Variants in MANBA observed in about 807,000 individuals in gnomAD.
MANBA encodes the protein mannosidase beta.
A neutral mutation model predicts 111.1 loss-of-function variants in MANBA; 83 were observed. The observed-to-expected ratio is 0.75, with a 90% CI of 0.63 to 0.90. The LOEUF is 0.90. Among genes scored for constraint, MANBA ranks in the 40% least tolerant of loss-of-function variants. MANBA has a pLI of 0.00. For synonymous variants in MANBA, 370 were observed against 378.7 expected (o/e 0.98, Z 0.27); for missense variants, 1,036 against 1,069.0 (o/e 0.97, Z 0.43).
intron 4 of MANBA, among the ~76,000 whole-genome samples, chr4:102,719,609 T>C (rs886711127): frequency 1.3e-5 from 2 of 152,198 alleles, no homozygotes; most frequent in African/African-American, 2.4e-5. Context: ...CCTGTAATTA[T>C]AGTAATAAGC....
intron 13 of MANBA, among the ~76,000 whole-genome samples, chr4:102,648,074 C>T (rs944140201): frequency 6.6e-6 from 1 of 151,936 alleles, no homozygotes; most frequent in Admixed American, 6.6e-5. Context: ...AAATAAACAG[C>T]GACTTTAATG....
intron 7 of MANBA, among the ~76,000 whole-genome samples, chr4:102,676,492 G>A (rs920037728): frequency 9.2e-5 from 14 of 151,800 alleles, no homozygotes; most frequent in Admixed American, 3.3e-4. Context: ...AAAGTTAGTC[G>A]AGGAAATAAC....
intron 1 of MANBA, among the ~76,000 whole-genome samples, chr4:102,749,744 T>C (rs1214252495): frequency 6.6e-6 from 1 of 152,172 alleles, no homozygotes; most frequent in Non-Finnish European, 1.5e-5. Context: ...CAAGTGCACA[T>C]GAAAGGGCCA....
Position 102,714,509 on chromosome 4 carries a change from A to AT in MANBA, c.601dup (p.Ile201AsnfsTer6), listed in dbSNP as rs1560792176. ...GGCTTCAATTCTAACATCTTTCCAG[A>AT]TTCCCTGGGTAGGAAAGGAAGGCCC... On this transcript the variant is annotated frameshift_variant, in exon 5 of 17. Coordinates refer to ENST00000647097, the MANE Select transcript of MANBA (RefSeq NM_005908.4). LOFTEE classifies it high-confidence loss of function. 1 of 1,605,618 alleles carries AT rather than the reference A, an allele frequency of 6.2e-7. No individual in the cohort carries two copies. Among genetic ancestry groups the AT allele is most frequent in the Admixed American group, 1.7e-5 (1 of 59,996 alleles).
chr4:102,756,594 G>A (rs1196842813), intron 1 of MANBA, among the ~76,000 whole-genome samples: 3 of 151,892 alleles, frequency 2.0e-5, no homozygotes, highest in Non-Finnish European at 2.9e-5. Context: ...AAACCTGCAC[G>A]TTGTGCACAT....
At chr4:102,710,260 C>T (rs923486266) in intron 5 of MANBA, among the ~76,000 whole-genome samples, 3 of 152,056 alleles carry the variant, frequency 2.0e-5, no homozygotes, top group Admixed American at 6.6e-5. Flanking sequence ...TCTGCAAAAA[C>T]TTGGAAGATT....
At position 102,631,189 on chromosome 4, in the gene MANBA, A is replaced by C. The variant is rs1007776872; in HGVS notation, c.*868T>G. On this transcript the variant is annotated 3_prime_UTR_variant, in exon 17 of 17. Coordinates refer to ENST00000647097, the MANE Select transcript of MANBA (RefSeq NM_005908.4). ...TGAGGATACTCTTAGATACTGAAGA[A>C]GACTGGATTGTCTGTAGTTACTTTT... 6.6e-6 allele frequency: 1 copy of C among 151,902 alleles called. No homozygotes were observed. Among genetic ancestry groups the C allele is most frequent in the Non-Finnish European group, 1.5e-5 (1 of 68,102 alleles). The allele number at this position is 151,902 out of a possible 1,614,324, so 9.4% of individuals were successfully genotyped here. A position where few individuals can be genotyped will look rare whatever the true frequency, so the allele number is the denominator to read the frequency against.
At chr4:102,706,115 C>A (rs921935303) in intron 5 of MANBA, among the ~76,000 whole-genome samples, 1 of 152,196 alleles carries the variant, frequency 6.6e-6, no homozygotes, top group African/African-American at 2.4e-5. Flanking sequence ...ACTGCCAGCA[C>A]CCAAGCAGGC....
intron 7 of MANBA, among the ~76,000 whole-genome samples, chr4:102,686,255 T>G (rs1732211617): frequency 6.6e-6 from 1 of 152,210 alleles, no homozygotes; most frequent in East Asian, 1.9e-4. Context: ...TTTATTTCTC[T>G]GTCTACACAT....
chr4:102,739,434 A>C (rs1723327673), intron 1 of MANBA, among the ~76,000 whole-genome samples: 1 of 152,194 alleles, frequency 6.6e-6, no homozygotes, highest in South Asian at 2.1e-4. Context: ...GAAAGAGGGA[A>C]TCCTCCCTAA....
At chr4:102,708,680 A>C (rs1015711339) in intron 5 of MANBA, among the ~76,000 whole-genome samples, 1 of 151,706 alleles carries the variant, frequency 6.6e-6, no homozygotes, top group Non-Finnish European at 1.5e-5. Flanking sequence ...AAATAGAGAC[A>C]AAAAAAACAG....
At chr4:102,653,701 T>C (rs1329421943) in intron 12 of MANBA, among the ~76,000 whole-genome samples, 1 of 152,200 alleles carries the variant, frequency 6.6e-6, no homozygotes, top group Non-Finnish European at 1.5e-5. Context: ...TTTTAAAATA[T>C]AGTGTTTATT....
chr4:102,682,368 C>G (rs1282385182), intron 7 of MANBA, among the ~76,000 whole-genome samples: 1 of 151,818 alleles, frequency 6.6e-6, no homozygotes, highest in African/African-American at 2.4e-5. Context: ...AATAGGATTG[C>G]CAGTATATAG....
chr4:102,692,498 T>G (rs565092477), intron 5 of MANBA, among the ~76,000 whole-genome samples: 3 of 152,274 alleles, frequency 2.0e-5, no homozygotes, highest in Admixed American at 2.0e-4. Flanking sequence ...GTTTTTATTT[T>G]TAAACAAGAT....
At chr4:102,676,140 A>G (rs775378054) in intron 7 of MANBA, among the ~76,000 whole-genome samples, 1 of 152,224 alleles carries the variant, frequency 6.6e-6, no homozygotes, top group African/African-American at 2.4e-5. Context: ...TGAAATTATG[A>G]TGAAAGCCAC....
chr4:102,682,394 G>A (rs774943769), intron 7 of MANBA, among the ~76,000 whole-genome samples: 8 of 151,978 alleles, frequency 5.3e-5, no homozygotes, highest in Non-Finnish European at 1.0e-4. Flanking sequence ...ATGAAAAACA[G>A]GCCAATCTAT....
At chr4:102,702,647 T>C (rs986396596) in intron 5 of MANBA, among the ~76,000 whole-genome samples, 5 of 152,186 alleles carry the variant, frequency 3.3e-5, no homozygotes, top group Admixed American at 6.6e-5. Context: ...AAACCACTAT[T>C]TTTAAGGACT....
At chr4:102,665,824 G>A (rs984851230) in intron 10 of MANBA, 4 of 152,168 alleles carry the variant, frequency 2.6e-5, no homozygotes, top group South Asian at 2.1e-4. Flanking sequence ...GTTCACCTTC[G>A]CTGTGATGCA....
chr4:102,752,160 C>T (rs1723831684), intron 1 of MANBA: 1 of 781,410 alleles, frequency 1.3e-6, no homozygotes, highest in African/African-American at 1.7e-5. Flanking sequence ...GAAGCAATTT[C>T]CTCAGTTCTG....
Sources: gnomAD v4.1 joint callset for allele counts (sites outside exome capture counted in the v4.1 genomes callset) on GRCh38, gnomAD v4.1.1 for gene constraint, MANE v1.5 for transcripts, NCBI Gene and HGNC (gene_info 2026-07-23, HGNC 2026-07-21) for gene names.